PRPF6: variants seen among roughly 807,000 people sequenced by gnomAD.
PRPF6 encodes the protein pre-mRNA-processing factor 6.
PRPF6 carries 42 observed loss-of-function variants against 118.3 expected under a neutral mutation model. That is an observed-to-expected ratio of 0.35 (90% confidence interval 0.28 to 0.46). The LOEUF (loss-of-function observed/expected upper bound fraction) is 0.46, where lower values mean the gene tolerates loss of function less well. PRPF6 is among the 20% of genes least tolerant of loss of function. The pLI is 1.00. For missense variants in PRPF6, 662 were observed against 1,255.7 expected (o/e 0.53, Z 7.15); for synonymous variants, 481 against 485.1 (o/e 0.99, Z 0.11).
chr20:64,005,915 CAA>C (rs935089122), intron 9 of PRPF6, among the ~76,000 whole-genome samples: 2 of 151,952 alleles, frequency 1.3e-5, no homozygotes, highest in Non-Finnish European at 2.9e-5. Context: ...TTTAATTTTT[CAA>C]AGAGACGAGG....
chr20:64,027,751 G>A lies in PRPF6; in HGVS notation c.2339+15G>A, dbSNP rs1251014493. ...CCTGGGCTGTGGTGAGTCCTGGAGG[G>A]GGCAGCCTGGCCTCTGGGCACAGCT... On this transcript the variant is annotated intron_variant, in intron 17 of 20. Transcript: ENST00000266079. This position sits in a 1 kb window ranked among gnomAD's most constrained non-coding sequence, Gnocchi z 6.5. The A allele has an allele frequency of 6.2e-7, 1 of 1,613,500 alleles. No individual in the cohort carries two copies. Among genetic ancestry groups the A allele is most frequent in the Admixed American group, 1.7e-5 (1 of 60,016 alleles).
intron 6 of PRPF6, among the ~76,000 whole-genome samples, chr20:63,997,871 C>T (rs535216905): frequency 2.0e-5 from 3 of 151,872 alleles, no homozygotes; most frequent in African/African-American, 4.8e-5. Context: ...CCCGGCGCCC[C>T]GGCCAGCATG....
At chr20:64,032,102 C>G in intron 20 of PRPF6, 58 bp downstream of exon 20, 1 of 1,611,066 alleles carries the variant, frequency 6.2e-7, no homozygotes, top group Non-Finnish European at 8.5e-7. Flanking sequence ...CGGGGAGTTC[C>G]GCCAGCCCTG....
In PRPF6 at chr20:64,029,352, T is replaced by C. The variant is rs1485245062; in HGVS notation, c.2432-25T>C. Reference sequence around the variant, plus strand: ...GGAACCAGAGGCTGGAGTGCAAATCTTTGTTCTTTGTTTCTGAATTATAGG... The same window carrying C: ...GGAACCAGAGGCTGGAGTGCAAATCCTTGTTCTTTGTTTCTGAATTATAGG... On this transcript the variant is annotated intron_variant, in intron 18 of 20. Transcript: ENST00000266079. This position sits in a 1 kb window ranked among gnomAD's most constrained non-coding sequence, Gnocchi z 4.8. 3 of 1,607,988 alleles carry C rather than the reference T, an allele frequency of 1.9e-6. No individual in the cohort carries two copies. The highest frequency in any genetic ancestry group is 1.7e-6 in the Non-Finnish European group (2 of 1,174,712).
At chr20:64,014,670 A>T (rs981465298) in intron 11 of PRPF6, among the ~76,000 whole-genome samples, 5 of 152,196 alleles carry the variant, frequency 3.3e-5, no homozygotes, top group African/African-American at 1.2e-4. Flanking sequence ...AAAAATAAAT[A>T]AAATAAAATA....
chr20:64,020,785 ATTTT>A (rs10670252), intron 12 of PRPF6, among the ~76,000 whole-genome samples: 3 of 134,162 alleles, frequency 2.2e-5, no homozygotes, highest in African/African-American at 2.8e-5. Context: ...ACTATACCTA[ATTTT>A]TTTTTTTTTT....
chr20:64,022,806 C>T lies in PRPF6; in HGVS notation c.1697C>T (p.Ala566Val). ...LECARAIYAYALQVFPSKKSV... is the reference protein window; with the variant it reads ...LECARAIYAYVLQVFPSKKSV... ...TGTGCACGAGCCATCTACGCCTACG[C>T]CCTGCAGGTGTTCCCCAGCAAGAAG... The change falls in exon 13 of 21, where the codon GCC becomes GTC. Residue 566 changes from alanine to valine, a missense_variant. Physicochemically the swap from Ala to Val is moderately conservative, Grantham distance 64. Transcript: ENST00000266079. The T allele has an allele frequency of 6.2e-7, 1 of 1,614,142 alleles. No homozygotes were observed. The highest frequency in any genetic ancestry group is 8.5e-7 in the Non-Finnish European group (1 of 1,180,008).
At chr20:63,988,236 C>T (rs893171684) in intron 3 of PRPF6, among the ~76,000 whole-genome samples, 3 of 151,694 alleles carry the variant, frequency 2.0e-5, no homozygotes, top group Admixed American at 6.6e-5. Context: ...AAGAGAATTG[C>T]TTGAACCTAG....
At chr20:64,022,644 C>A in intron 12 of PRPF6, 113 bp from the exon 13 acceptor site, 1 of 1,495,162 alleles carries the variant, frequency 6.7e-7, no homozygotes. Flanking sequence ...CACTGTGGTA[C>A]ACCTTCTAGC....
chr20:64,018,484 C>T (rs563354307), intron 12 of PRPF6, among the ~76,000 whole-genome samples: 13 of 152,040 alleles, frequency 8.6e-5, no homozygotes, highest in African/African-American at 1.9e-4. Flanking sequence ...GGGCAGTGGC[C>T]GCAGGTGTTT....
chr20:63,994,948 G>T lies in PRPF6; in HGVS notation c.471G>T (p.Trp157Cys). 1 of 1,614,210 alleles carries T rather than the reference G, an allele frequency of 6.2e-7. No homozygotes were observed. The highest frequency in any genetic ancestry group is 8.5e-7 in the Non-Finnish European group (1 of 1,180,046). ...TGGCAGAAGTCACAGAAGAAGAGTG[G>T]CTGAGCATCCCCGAGGTTGGCGATG... ...RKLAEVTEEE[W>C]LSIPEVGDAR... The change falls in exon 5 of 21, where the codon TGG becomes TGT. Residue 157 changes from tryptophan (W) to cysteine (C), a missense_variant. Around this residue, in one of 10 missense-constraint regions of PRPF6, gnomAD observed 97 missense variants for 122.6 expected, o/e 0.79. Coordinates refer to ENST00000266079, the MANE Select transcript of PRPF6 (RefSeq NM_012469.4).
In PRPF6 at chr20:64,025,924, G is replaced by A. The variant is rs367823747; in HGVS notation, c.1909-15G>A. 65 of 1,613,458 alleles carry A rather than the reference G, an allele frequency of 4.0e-5. No homozygotes were observed. In the African/African-American group the frequency reaches 8.4e-4, roughly 21 times the overall value. On this transcript the variant is annotated splice_polypyrimidine_tract_variant and intron_variant, in intron 14 of 20. Transcript: ENST00000266079. The stretch of plus-strand genomic sequence containing the variant: ...TGTTCTGACCCCTCTTGACGCTGCT[G>A]TACTTGCCCTTCAGGCCAACCCCAA...
Position 64,027,305 on chromosome 20 carries a change from A to T in PRPF6, c.2205+147A>T. 1 of 1,116,478 alleles carries T rather than the reference A, an allele frequency of 9.0e-7. No individual in the cohort carries two copies. 69.2% of individuals were successfully genotyped at this position (1,116,478 alleles called of 1,614,324 possible). On this transcript the variant is annotated intron_variant, in intron 16 of 20. Transcript: ENST00000266079. The surrounding 1 kb of genome is among the most constrained non-coding windows in gnomAD (Gnocchi z 6.5). ...ATGGAGCTGCAGACTCAGGACCCAAACCCTGGTCCCCTCGCTGAGTTCTGT... is the reference window on the plus strand; with the variant it reads ...ATGGAGCTGCAGACTCAGGACCCAATCCCTGGTCCCCTCGCTGAGTTCTGT...
chr20:63,984,881 C>T (rs1470280751), intron 2 of PRPF6, 26 bp from the exon 3 acceptor site: 1 of 1,526,010 alleles, frequency 6.6e-7, no homozygotes, highest in South Asian at 1.1e-5. Flanking sequence ...AAAAGCTGAC[C>T]TCTACACGTG....
intron 3 of PRPF6, among the ~76,000 whole-genome samples, chr20:63,986,199 G>C (rs1256161865): frequency 6.6e-6 from 1 of 151,720 alleles, no homozygotes; most frequent in African/African-American, 2.4e-5. Flanking sequence ...AAATTAGCCG[G>C]GCATGGTGGG....
chr20:63,984,149 G>A (rs1232675260), intron 2 of PRPF6, among the ~76,000 whole-genome samples: 9 of 152,032 alleles, frequency 5.9e-5, no homozygotes, highest in Non-Finnish European at 8.8e-5. Context: ...GGCCAGGTGC[G>A]GTAGCTCACA....
intron 19 of PRPF6, among the ~76,000 whole-genome samples, chr20:64,030,185 A>G (rs948646615): frequency 6.6e-6 from 1 of 152,208 alleles, no homozygotes; most frequent in African/African-American, 2.4e-5. Context: ...AGAGGATGAC[A>G]GTCTGGGAAG....
Position 63,999,065 on chromosome 20 carries a change from A to G in PRPF6, c.792A>G (p.Gly264=). ...CACAGGTGTCTGACTCCGTGAGTGGACAGACCGTCGTTGACCCCAAAGGCT... is the reference window on the plus strand; with the variant it reads ...CACAGGTGTCTGACTCCGTGAGTGGGCAGACCGTCGTTGACCCCAAAGGCT... ...RLSQVSDSVS[G]QTVVDPKGYL... Residue 264 remains glycine (G), a synonymous_variant, in exon 7 of 21, where the codon GGA becomes GGG. Transcript: ENST00000266079. 6.2e-7 allele frequency: 1 copy of G among 1,613,696 alleles called. No homozygotes were observed. Among genetic ancestry groups the G allele is most frequent in the Non-Finnish European group, 8.5e-7 (1 of 1,179,844 alleles).
chr20:64,005,866 C>T (rs1043997832), intron 9 of PRPF6, among the ~76,000 whole-genome samples: 6 of 152,118 alleles, frequency 3.9e-5, no homozygotes, highest in Non-Finnish European at 7.3e-5. Flanking sequence ...TCCTGAATAG[C>T]TGGGACTCCA....
Sources: allele counts gnomAD v4.1 joint callset (sites outside exome capture counted in the v4.1 genomes callset), GRCh38; gene constraint gnomAD v4.1.1; regional missense constraint gnomAD v4.1.1; non-coding constraint Gnocchi (gnomAD v3.1); transcripts MANE v1.5; gene names NCBI Gene and HGNC (gene_info 2026-07-23, HGNC 2026-07-21).